The following ANKRD6 variants were observed in gnomAD, a reference collection of about 807,000 sequenced individuals.
ANKRD6 encodes the protein ankyrin repeat domain-containing protein 6.
In ANKRD6, 56 loss-of-function variants were observed where a neutral mutation model predicts 82.3. The ratio of observed to expected loss-of-function variants is 0.68; its 90% CI spans 0.55 to 0.85. The LOEUF (loss-of-function observed/expected upper bound fraction) is 0.85, where lower values mean the gene tolerates loss of function less well. Among genes scored for constraint, ANKRD6 ranks in the 40% least tolerant of loss-of-function variants. The pLI, the probability that ANKRD6 is intolerant of heterozygous loss-of-function variation, is 0.00. For missense variants in ANKRD6, 852 were observed against 907.6 expected (o/e 0.94, Z 0.79); for synonymous variants, 347 against 352.1 (o/e 0.99, Z 0.16).
At chr6:89,600,739 A>G (rs1796945325) in intron 3 of ANKRD6, among the ~76,000 whole-genome samples, 1 of 152,188 alleles carries the variant, frequency 6.6e-6, no homozygotes, top group Non-Finnish European at 1.5e-5. Flanking sequence ...GAAATTTTAA[A>G]AAGTTGAGAC....
At position 89,533,701 on chromosome 6, in the gene ANKRD6, T is replaced by TGA. The variant is rs146850369; in HGVS notation, c.-143-33114_-143-33113dup. Among the ~76,000 whole-genome samples the TGA allele has an allele frequency of 2.1e-3, 302 of 145,150 alleles. 2 individuals are homozygous for TGA. The highest frequency in any genetic ancestry group is 3.1e-3 in the African/African-American group (119 of 39,014). ...CTCCTTTGCCTCCAGCCATCACGAATGAGAGAGAGAGAGAGAGAGAAAATG... is the reference window on the plus strand; with the variant it reads ...CTCCTTTGCCTCCAGCCATCACGAATGAGAGAGAGAGAGAGAGAGAGAAAATG... On this transcript the variant is annotated intron_variant, in intron 1 of 15. Transcript: ENST00000339746.
At chr6:89,511,942 TA>T (rs201780909) in intron 1 of ANKRD6, among the ~76,000 whole-genome samples, 1 of 151,904 alleles carries the variant, frequency 6.6e-6, no homozygotes, top group Non-Finnish European at 1.5e-5. Flanking sequence ...TTAAAAACAT[TA>T]AAAAAATTTT....
Position 89,446,561 on chromosome 6 carries a change from A to C in ANKRD6, c.-144+13186A>C, listed in dbSNP as rs375683829. Among the ~76,000 whole-genome samples the C allele has an allele frequency of 3.3e-5, 5 of 152,136 alleles. No individual in the cohort carries two copies. The East Asian group carries it at 7.8e-4, about 24-fold the overall frequency. On this transcript the variant is annotated intron_variant, in intron 1 of 15. Coordinates refer to ENST00000339746, the MANE Select transcript of ANKRD6 (RefSeq NM_001242809.2). ...AAGGGCTAGCCAAGTTGTGAATGCA[A>C]AGGAAAAATTCTTGAAAGAAATTAA...
chr6:89,622,343 C>T (rs1033280842), intron 10 of ANKRD6, among the ~76,000 whole-genome samples: 2 of 152,186 alleles, frequency 1.3e-5, no homozygotes, highest in African/African-American at 4.8e-5. Context: ...ACACCATGCC[C>T]AGATTGTGTA....
chr6:89,451,013 A>G (rs1400016582), intron 1 of ANKRD6, among the ~76,000 whole-genome samples: 1 of 152,162 alleles, frequency 6.6e-6, no homozygotes, highest in Non-Finnish European at 1.5e-5. Context: ...TATAATTCAA[A>G]TTACTAAAAT....
chr6:89,598,848 A>G (rs1008519874), intron 3 of ANKRD6, among the ~76,000 whole-genome samples: 6 of 152,252 alleles, frequency 3.9e-5, no homozygotes, highest in Admixed American at 2.6e-4. Flanking sequence ...TCTAGTGGCT[A>G]TGCTTTACTT....
chr6:89,612,721 T>C (rs1308055478), intron 6 of ANKRD6, among the ~76,000 whole-genome samples: 1 of 152,210 alleles, frequency 6.6e-6, no homozygotes, highest in African/African-American at 2.4e-5. Flanking sequence ...TGTACTATTA[T>C]CAGCAAATAT....
intron 1 of ANKRD6, among the ~76,000 whole-genome samples, chr6:89,500,972 C>CTTTTTTTTTTTT (rs35877637): frequency 8.2e-6 from 1 of 121,824 alleles, no homozygotes. Context: ...CCCAATTAGT[C>CTTTTTTTTTTTT]TTTTTTTTTT....
chr6:89,626,094 T>G (rs1275903307), intron 13 of ANKRD6, among the ~76,000 whole-genome samples: 2 of 152,352 alleles, frequency 1.3e-5, no homozygotes, highest in East Asian at 3.9e-4. Context: ...TAAGTTTTAT[T>G]TCCTTGTTTA....
At chr6:89,593,563 G>T (rs1173678204) in intron 2 of ANKRD6, among the ~76,000 whole-genome samples, 1 of 152,166 alleles carries the variant, frequency 6.6e-6, no homozygotes, top group African/African-American at 2.4e-5. Flanking sequence ...TAGTGCTTTG[G>T]TCACATTTCA....
intron 1 of ANKRD6, among the ~76,000 whole-genome samples, chr6:89,468,499 C>T (rs746443866): frequency 2.7e-5 from 4 of 147,762 alleles, no homozygotes; most frequent in Non-Finnish European, 5.9e-5. Flanking sequence ...GTGTCTGAAG[C>T]GTGGGTGTTC....
At chr6:89,447,000 C>T (rs1317123410) in intron 1 of ANKRD6, among the ~76,000 whole-genome samples, 1 of 152,176 alleles carries the variant, frequency 6.6e-6, no homozygotes, top group East Asian at 1.9e-4. Context: ...AATTAAACCT[C>T]TTTCCTTTAT....
At chr6:89,479,626 T>TTA (rs1554218232) in intron 1 of ANKRD6, among the ~76,000 whole-genome samples, 1 of 143,438 alleles carries the variant, frequency 7.0e-6, no homozygotes, top group African/African-American at 2.7e-5. Flanking sequence ...TATTTATTTA[T>TTA]TTATTATTAT....
intron 1 of ANKRD6, among the ~76,000 whole-genome samples, chr6:89,468,107 T>C (rs1276692815): frequency 3.3e-5 from 5 of 152,196 alleles, no homozygotes; most frequent in Non-Finnish European, 7.4e-5. Context: ...ACCAAGCATG[T>C]ATGGCTTTGA....
intron 1 of ANKRD6, among the ~76,000 whole-genome samples, chr6:89,515,455 A>G (rs374401120): frequency 1.3e-5 from 2 of 152,082 alleles, no homozygotes; most frequent in African/African-American, 2.4e-5. Context: ...TGTTTGTTCA[A>G]TGTTTTGTTG....
chr6:89,623,307 G>A, intron 10 of ANKRD6, 103 bp from the exon 11 acceptor site: 6 of 1,414,206 alleles, frequency 4.2e-6, no homozygotes, highest in Non-Finnish European at 5.6e-6. Flanking sequence ...AGGTTCTCGT[G>A]GGTCCCTTAC....
At chr6:89,600,809 G>A (rs1796972942) in intron 3 of ANKRD6, among the ~76,000 whole-genome samples, 2 of 152,256 alleles carry the variant, frequency 1.3e-5, no homozygotes, top group Admixed American at 1.3e-4. Flanking sequence ...GTGGAGGTGG[G>A]CAGATCACTT....
chr6:89,555,357 T>A lies in ANKRD6; in HGVS notation c.-143-11477T>A, dbSNP rs550791248. ...TTTGATAAGTATTACAGTGAGATTT[T>A]AAAAATACATTATTTTGTGCTGGCC... On this transcript the variant is annotated intron_variant, in intron 1 of 15. Coordinates refer to ENST00000339746, the MANE Select transcript of ANKRD6 (RefSeq NM_001242809.2). Among the ~76,000 whole-genome samples, 11 of 152,200 alleles carry A rather than the reference T, an allele frequency of 7.2e-5. No homozygotes were observed. In the East Asian group the frequency reaches 1.9e-3, roughly 27 times the overall value.
intron 3 of ANKRD6, among the ~76,000 whole-genome samples, chr6:89,601,156 G>A (rs1055303591): frequency 4.6e-5 from 7 of 152,186 alleles, no homozygotes; most frequent in African/African-American, 1.7e-4. Flanking sequence ...CCTACCTCCT[G>A]CAGCCACTGA....
Sources: allele counts gnomAD v4.1 joint callset (sites outside exome capture counted in the v4.1 genomes callset), GRCh38; gene constraint gnomAD v4.1.1; transcripts MANE v1.5; gene names NCBI Gene and HGNC (gene_info 2026-07-23, HGNC 2026-07-21).